The following MAL variants were observed in gnomAD, a reference collection of about 807,000 sequenced individuals.
MAL encodes the protein mal, T cell differentiation protein (MAL blood group), also known as myelin and lymphocyte protein.
MAL carries 5 observed loss-of-function variants against 16.7 expected under a neutral mutation model. That is an observed-to-expected ratio of 0.30 (90% CI 0.16 to 0.63). The LOEUF is 0.63. Ranked by LOEUF, MAL falls within the 30% of genes least tolerant of loss-of-function variation. MAL has a pLI of 0.82. For missense variants in MAL, 202 were observed against 195.8 expected, an observed-to-expected ratio of 1.03 and a Z score of -0.19; for synonymous variants, 96 against 85.5, an observed-to-expected ratio of 1.12 and a Z score of -0.67.
intron 1 of MAL, among the ~76,000 whole-genome samples, chr2:95,033,515 C>A (rs150827595): frequency 2.0e-5 from 3 of 151,924 alleles, no homozygotes; most frequent in Non-Finnish European, 2.9e-5. Context: ...CATGTTAACG[C>A]GCCTGTAATC....
rs145146615 is a variant in MAL, at chr2:95,025,851, C to T, written c.59C>T (p.Thr20Ile). ...STLPSGFSVF[T>I]TLPDLLFIFE... ...CTGCCCAGTGGCTTCTCGGTCTTCACCACCTTGCCCGACTTGCTCTTCATC... is the reference window on the plus strand; with the variant it reads ...CTGCCCAGTGGCTTCTCGGTCTTCATCACCTTGCCCGACTTGCTCTTCATC... Residue 20 changes from threonine (T) to isoleucine (I), a missense_variant, in exon 1 of 4, where the codon ACC becomes ATC. By Grantham distance (89) the Thr-to-Ile change is moderately conservative. Coordinates refer to ENST00000309988, the MANE Select transcript of MAL (RefSeq NM_002371.4). This position sits in a 1 kb window ranked among gnomAD's most constrained non-coding sequence, Gnocchi z 5.6. The T allele has an allele frequency of 8.1e-3, 12,730 of 1,577,818 alleles. 97 individuals are homozygous for T. Among genetic ancestry groups the T allele is most frequent in the Non-Finnish European group, 8.8e-3 (10,280 of 1,162,798 alleles).
Position 95,053,423 on chromosome 2 carries a change from G to T in MAL, c.430G>T (p.Val144Leu). The change falls in exon 4 of 4, where the codon GTG becomes TTG. Residue 144 changes from valine to leucine, a missense_variant. By Grantham distance (32) the Val-to-Leu change is conservative (BLOSUM62 1). Coordinates refer to ENST00000309988, the MANE Select transcript of MAL (RefSeq NM_002371.4). ...CACTCTGCTCTACGTGGTCCATGCGGTGTTCTCTTTAATCAGATGGAAGTC... is the reference window on the plus strand; with the variant it reads ...CACTCTGCTCTACGTGGTCCATGCGTTGTTCTCTTTAATCAGATGGAAGTC... Reference protein sequence around the residue: ...IATLLYVVHAVFSLIRWKSS With the variant: ...IATLLYVVHALFSLIRWKSS The T allele has an allele frequency of 6.2e-7, 1 of 1,613,670 alleles. No individual in the cohort carries two copies.
intron 1 of MAL, among the ~76,000 whole-genome samples, chr2:95,028,350 TTAAA>T (rs1343741151): frequency 6.6e-6 from 1 of 151,488 alleles, no homozygotes; most frequent in Non-Finnish European, 1.5e-5. Context: ...AGTAAATAAA[TTAAA>T]TAAATAGAAA....
chr2:95,039,132 G>A (rs1365483765), intron 1 of MAL, among the ~76,000 whole-genome samples: 10 of 151,064 alleles, frequency 6.6e-5, no homozygotes, highest in African/African-American at 2.0e-4. Context: ...GAGTGAGTGA[G>A]TGAGTGAGTG....
intron 1 of MAL, among the ~76,000 whole-genome samples, chr2:95,033,736 T>C (rs758334313): frequency 1.3e-5 from 2 of 152,070 alleles, no homozygotes; most frequent in Non-Finnish European, 2.9e-5. Flanking sequence ...TGTGATCGCA[T>C]CACTGCCCTC....
intron 3 of MAL, among the ~76,000 whole-genome samples, chr2:95,050,884 TG>T (rs1674701735): frequency 6.6e-6 from 1 of 152,190 alleles, no homozygotes; most frequent in South Asian, 2.1e-4. Context: ...TCTTCCTTCC[TG>T]GGGAGGCTGG....
At chr2:95,052,635 A>G (rs1057416401) in intron 3 of MAL, among the ~76,000 whole-genome samples, 1 of 152,150 alleles carries the variant, frequency 6.6e-6, no homozygotes, top group African/African-American at 2.4e-5. Context: ...AGGTGCAGAG[A>G]TTGGACTTGG....
At chr2:95,034,511 C>T (rs1465395586) in intron 1 of MAL, among the ~76,000 whole-genome samples, 1 of 152,216 alleles carries the variant, frequency 6.6e-6, no homozygotes, top group African/African-American at 2.4e-5. Context: ...CAGATTAAAG[C>T]TTTCAAAAGC....
At position 95,049,635 on chromosome 2, in the gene MAL, G is replaced by C; in HGVS notation, c.316G>C (p.Glu106Gln). 1 of 1,614,206 alleles carries C rather than the reference G, an allele frequency of 6.2e-7. No homozygotes were observed. Among genetic ancestry groups the C allele is most frequent in the Non-Finnish European group, 8.5e-7 (1 of 1,180,038 alleles). ...CTTTTACCTCAGCGCCTCAGTCCTG[G>C]AGGCCCTGGCCACCATCACGATGCA... ...ALFYLSASVL[E>Q]ALATITMQDG... is the part of the protein sequence containing the mutation. Residue 106 changes from glutamate to glutamine, a missense_variant, in exon 3 of 4, where the codon GAG becomes CAG. Glu to Gln is a conservative substitution (Grantham distance 29). Coordinates refer to ENST00000309988, the MANE Select transcript of MAL (RefSeq NM_002371.4).
chr2:95,039,815 TACC>T (rs1291819374), intron 1 of MAL, among the ~76,000 whole-genome samples: 1 of 152,090 alleles, frequency 6.6e-6, no homozygotes, highest in Non-Finnish European at 1.5e-5. Context: ...AGTTCCTTCG[TACC>T]AGGAGGTAGG....
chr2:95,053,337 C>G, intron 3 of MAL, 44 bp from the exon 4 acceptor site: 1 of 1,342,550 alleles, frequency 7.4e-7, no homozygotes, highest in Non-Finnish European at 1.1e-6. Context: ...TGTGCCTCGC[C>G]CTCCCTACAC....
Position 95,053,367 on chromosome 2 carries a change from T to C in MAL, c.388-14T>C. 1.3e-6 allele frequency: 2 copies of C among 1,596,724 alleles called. No homozygotes were observed. Among genetic ancestry groups the C allele is most frequent in the Non-Finnish European group, 1.7e-6 (2 of 1,164,688 alleles). The stretch of plus-strand genomic sequence containing the variant: ...CTACACAAACCCATTAACGGCCATT[T>C]CTCTTGGTTCCAGGTGTTCTCCTAC... On this transcript the variant is annotated splice_polypyrimidine_tract_variant and intron_variant, in intron 3 of 3. Transcript: ENST00000309988.
chr2:95,027,527 A>G (rs1673971386), intron 1 of MAL, among the ~76,000 whole-genome samples: 1 of 152,114 alleles, frequency 6.6e-6, no homozygotes, highest in African/African-American at 2.4e-5. Context: ...CATCTTCCAC[A>G]TGCTCTAGAT....
At chr2:95,046,156 ACAG>A (rs1674580573) in intron 1 of MAL, among the ~76,000 whole-genome samples, 1 of 152,208 alleles carries the variant, frequency 6.6e-6, no homozygotes, top group Non-Finnish European at 1.5e-5. Context: ...ACCTGTGAAG[ACAG>A]CGGTATCTCT....
chr2:95,037,277 GTGAC>G (rs1309491977), intron 1 of MAL, among the ~76,000 whole-genome samples: 1 of 149,060 alleles, frequency 6.7e-6, no homozygotes, highest in Non-Finnish European at 1.5e-5. Flanking sequence ...GGGTGAGTGA[GTGAC>G]TGACTGGGTG....
chr2:95,033,158 G>T (rs1674128123), intron 1 of MAL, among the ~76,000 whole-genome samples: 1 of 152,164 alleles, frequency 6.6e-6, no homozygotes, highest in South Asian at 2.1e-4. Context: ...AGGCCCACGG[G>T]GGGCCCGGGA....
chr2:95,051,336 T>C (rs1674710271), intron 3 of MAL: 1 of 152,194 alleles, frequency 6.6e-6, no homozygotes, highest in Non-Finnish European at 1.5e-5. Flanking sequence ...TGAATTCTCA[T>C]AGAGCAAACT....
Position 95,053,394 on chromosome 2 carries a change from T to C in MAL, c.401T>C (p.Ile134Thr), listed in dbSNP as rs747348029. The change falls in exon 4 of 4, where the codon ATA becomes ACA. Residue 134 changes from isoleucine to threonine, a missense_variant. Physicochemically the swap from Ile to Thr is moderately conservative, Grantham distance 89 (BLOSUM62 -1). Transcript: ENST00000309988. ...ENIAAVVFSY[I>T]ATLLYVVHAV... ...TCTTGGTTCCAGGTGTTCTCCTACA[T>C]AGCCACTCTGCTCTACGTGGTCCAT... The C allele has an allele frequency of 1.9e-6, 3 of 1,612,968 alleles. No homozygotes were observed. The highest frequency in any genetic ancestry group is 1.1e-5 in the South Asian group (1 of 91,036).
At chr2:95,036,799 GAGTGT>G (rs1674220521) in intron 1 of MAL, among the ~76,000 whole-genome samples, 1 of 152,064 alleles carries the variant, frequency 6.6e-6, no homozygotes, top group African/African-American at 2.4e-5. Context: ...CTGAGTGACT[GAGTGT>G]GTGAGTGAGT....
Sources: allele counts gnomAD v4.1 joint callset (sites outside exome capture counted in the v4.1 genomes callset), GRCh38; gene constraint gnomAD v4.1.1; non-coding constraint Gnocchi (gnomAD v3.1); transcripts MANE v1.5; gene names NCBI Gene and HGNC (gene_info 2026-07-23, HGNC 2026-07-21).